The following RSRC1 variants were observed in gnomAD, a reference collection of about 807,000 sequenced individuals.
The protein encoded by RSRC1 is serine/Arginine-related protein 53.
RSRC1 carries 39 observed loss-of-function variants against 49.1 expected under a neutral mutation model. The ratio of observed to expected loss-of-function variants is 0.79; its 90% CI spans 0.61 to 1.04. The LOEUF (loss-of-function observed/expected upper bound fraction) is 1.04. Among genes scored for constraint, RSRC1 ranks in the 50% least tolerant of loss-of-function variants. The probability of loss-of-function intolerance (pLI) is 0.00; values close to 1 mark genes in which losing one functional copy is unlikely to be tolerated. For missense variants in RSRC1, 388 were observed against 402.4 expected (o/e 0.96, Z 0.31); for synonymous variants, 143 against 130.8 (o/e 1.09, Z -0.63).
intron 4 of RSRC1, among the ~76,000 whole-genome samples, chr3:158,208,874 A>G (rs780753512): frequency 6.6e-5 from 10 of 152,196 alleles, no homozygotes; most frequent in East Asian, 1.9e-4. Flanking sequence ...TATACATCCT[A>G]TCTAAGTCTT....
intron 4 of RSRC1, among the ~76,000 whole-genome samples, chr3:158,238,312 G>A (rs150063543): frequency 0.017 from 2,596 of 152,168 alleles, 91 homozygotes; most frequent in African/African-American, 0.06. Context: ...TATAGATTCT[G>A]TGCCATCCCC....
intron 5 of RSRC1, among the ~76,000 whole-genome samples, chr3:158,302,427 A>G (rs559413083): frequency 6.6e-6 from 1 of 152,180 alleles, no homozygotes; most frequent in Non-Finnish European, 1.5e-5. Context: ...GAACTTAAGA[A>G]AATAATTTTT....
intron 5 of RSRC1, among the ~76,000 whole-genome samples, chr3:158,325,761 T>C (rs1729093539): frequency 6.6e-6 from 1 of 152,206 alleles, no homozygotes; most frequent in Non-Finnish European, 1.5e-5. Context: ...TCCAATTCTG[T>C]GAAGAAAGTC....
At chr3:158,522,193 T>G (rs1172521281) in intron 7 of RSRC1, among the ~76,000 whole-genome samples, 2 of 152,182 alleles carry the variant, frequency 1.3e-5, no homozygotes, top group Admixed American at 6.6e-5. Flanking sequence ...CATAACATTG[T>G]GAAGATTTCA....
At chr3:158,138,295 T>G (rs1294884101) in intron 3 of RSRC1, among the ~76,000 whole-genome samples, 1 of 152,230 alleles carries the variant, frequency 6.6e-6, no homozygotes, top group African/African-American at 2.4e-5. Context: ...CTGGTATAGA[T>G]AACCAGACAG....
In RSRC1 at chr3:158,294,511, T is replaced by G. The variant is rs1363070971; in HGVS notation, c.495-3528T>G. 9.2e-5 allele frequency among the ~76,000 whole-genome samples: 14 copies of G among 152,262 alleles called. 1 individual carries two copies. In the South Asian group the frequency reaches 2.9e-3, roughly 32 times the overall value. On this transcript the variant is annotated intron_variant, in intron 4 of 9. Coordinates refer to ENST00000611884, the MANE Select transcript of RSRC1 (RefSeq NM_001271838.2). ...ATTCTGGTTTATACATCTTACAGTT[T>G]TCCTTGTGGGTTCATCTTTTTTTTT...
At chr3:158,166,865 G>T (rs78283751) in intron 3 of RSRC1, among the ~76,000 whole-genome samples, 1 of 152,108 alleles carries the variant, frequency 6.6e-6, no homozygotes, top group Admixed American at 6.5e-5. Flanking sequence ...AAGAGGAAAC[G>T]TGAAACTAAT....
At chr3:158,283,947 T>G (rs1726338731) in intron 4 of RSRC1, among the ~76,000 whole-genome samples, 1 of 151,938 alleles carries the variant, frequency 6.6e-6, no homozygotes. Context: ...ATGTGCAGGT[T>G]AGTTACATAT....
In RSRC1 at chr3:158,544,950, A is replaced by G. The variant is rs1423378241; in HGVS notation, c.*675A>G. ...GCCAAATACCTATGATGGAGAAATCATTTCTGAGAAAACTGATAAGAGCTC... is the reference window on the plus strand; with the variant it reads ...GCCAAATACCTATGATGGAGAAATCGTTTCTGAGAAAACTGATAAGAGCTC... On this transcript the variant is annotated 3_prime_UTR_variant, in exon 10 of 10. Transcript: ENST00000611884. 6.6e-6 allele frequency: 1 copy of G among 151,998 alleles called. No individual in the cohort carries two copies. The highest frequency in any genetic ancestry group is 1.5e-5 in the Non-Finnish European group (1 of 68,036). The allele number at this position is 151,998 out of a possible 1,614,324, so 9.4% of individuals were successfully genotyped here. A position where few individuals can be genotyped will look rare whatever the true frequency, so the allele number is the denominator to read the frequency against.
intron 5 of RSRC1, among the ~76,000 whole-genome samples, chr3:158,344,132 G>T (rs746867917): frequency 6.6e-6 from 1 of 152,106 alleles, no homozygotes; most frequent in Admixed American, 6.5e-5. Context: ...GGTGCCATGC[G>T]CCTGTAATCC....
chr3:158,129,149 A>G (rs1039003814), intron 3 of RSRC1, among the ~76,000 whole-genome samples: 7 of 150,904 alleles, frequency 4.6e-5, no homozygotes, highest in Non-Finnish European at 8.9e-5. Flanking sequence ...TAACTTTAGC[A>G]TCTCTCAGTG....
At chr3:158,281,962 G>A (rs570728366) in intron 4 of RSRC1, among the ~76,000 whole-genome samples, 2 of 152,268 alleles carry the variant, frequency 1.3e-5, no homozygotes, top group South Asian at 4.1e-4. Context: ...ATACCCATTG[G>A]CAATTACAGA....
chr3:158,298,714 G>A (rs1324951302), intron 5 of RSRC1, among the ~76,000 whole-genome samples: 1 of 152,110 alleles, frequency 6.6e-6, no homozygotes, highest in Non-Finnish European at 1.5e-5. Context: ...TGTATTGAGT[G>A]TTTATTACAA....
chr3:158,341,003 C>T (rs1237258959), intron 5 of RSRC1, among the ~76,000 whole-genome samples: 2 of 152,116 alleles, frequency 1.3e-5, no homozygotes, highest in Non-Finnish European at 2.9e-5. Flanking sequence ...TTTGCCCCCA[C>T]CCTAGAGATT....
chr3:158,204,088 T>C (rs938015996), intron 4 of RSRC1, among the ~76,000 whole-genome samples: 2 of 152,154 alleles, frequency 1.3e-5, no homozygotes, highest in African/African-American at 4.8e-5. Context: ...TATAAATGTG[T>C]TTATATTTAA....
intron 4 of RSRC1, among the ~76,000 whole-genome samples, chr3:158,206,309 A>G (rs1721340528): frequency 6.6e-6 from 1 of 152,168 alleles, no homozygotes; most frequent in Admixed American, 6.5e-5. Context: ...GTGTCAGGGA[A>G]GGGCTCTCAG....
chr3:158,229,291 C>T (rs1722781806), intron 4 of RSRC1, among the ~76,000 whole-genome samples: 2 of 132,938 alleles, frequency 1.5e-5, no homozygotes, highest in African/African-American at 5.7e-5. Context: ...AACATACACA[C>T]ACGTATATGT....
chr3:158,144,847 T>A (rs942160085), intron 3 of RSRC1, among the ~76,000 whole-genome samples: 1 of 152,232 alleles, frequency 6.6e-6, no homozygotes, highest in Non-Finnish European at 1.5e-5. Flanking sequence ...TGAGATGGTA[T>A]CTCATTGAGG....
chr3:158,247,999 C>T (rs571444400), intron 4 of RSRC1, among the ~76,000 whole-genome samples: 1 of 152,194 alleles, frequency 6.6e-6, no homozygotes, highest in Admixed American at 6.5e-5. Context: ...ACACCTACCA[C>T]CCAATGCGAC....
Sources: allele counts gnomAD v4.1 joint callset (sites outside exome capture counted in the v4.1 genomes callset), GRCh38; gene constraint gnomAD v4.1.1; transcripts MANE v1.5; gene names NCBI Gene and HGNC (gene_info 2026-07-23, HGNC 2026-07-21).